The following ATF7IP2 variants were observed in gnomAD, a reference collection of about 807,000 sequenced individuals.
The protein encoded by ATF7IP2 is activating transcription factor 7 interacting protein 2.
In ATF7IP2, 42 loss-of-function variants were observed where a neutral mutation model predicts 64.2. The ratio of observed to expected loss-of-function variants is 0.65; its 90% confidence interval spans 0.51 to 0.85. The LOEUF is 0.85. ATF7IP2 is among the 40% of genes least tolerant of loss of function. The probability of loss-of-function intolerance (pLI) is 0.00; values close to 1 mark genes in which losing one functional copy is unlikely to be tolerated. For missense variants in ATF7IP2, 933 were observed against 784.2 expected (o/e 1.19, Z -2.27); for synonymous variants, 308 against 272.8 (o/e 1.13, Z -1.27).
At chr16:10,445,327 G>C (rs2048764293) in intron 8 of ATF7IP2, 1 of 152,082 alleles carries the variant, frequency 6.6e-6, no homozygotes, top group African/African-American at 2.4e-5. Flanking sequence ...GAGAAAATGG[G>C]GACTGTGGTA....
At chr16:10,439,491 C>T (rs1352380501) in intron 7 of ATF7IP2, among the ~76,000 whole-genome samples, 2 of 150,618 alleles carry the variant, frequency 1.3e-5, no homozygotes, top group African/African-American at 4.9e-5. Context: ...GCCTCGGCTT[C>T]CCAAAGTGCT....
At chr16:10,421,445 G>A (rs556506183) in intron 3 of ATF7IP2, among the ~76,000 whole-genome samples, 1 of 152,262 alleles carries the variant, frequency 6.6e-6, no homozygotes, top group African/African-American at 2.4e-5. Context: ...TAGATCACTC[G>A]TGGCATAGGT....
At chr16:10,401,386 T>G (rs761604640) in intron 1 of ATF7IP2, among the ~76,000 whole-genome samples, 4 of 152,128 alleles carry the variant, frequency 2.6e-5, no homozygotes, top group Non-Finnish European at 2.9e-5. Context: ...GCCAGGCTGG[T>G]CTCGAACTCC....
At chr16:10,411,905 G>GTT (rs992175796) in intron 1 of ATF7IP2, among the ~76,000 whole-genome samples, 1,108 of 82,886 alleles carry the variant, frequency 0.013, 20 homozygotes, top group African/African-American at 0.042. Flanking sequence ...GAGCTTATTT[G>GTT]TTTTTTTTTT....
rs1300471345 is a variant in ATF7IP2, at chr16:10,440,476, C to T, written c.1194+14C>T. 7.4e-7 allele frequency: 1 copy of T among 1,345,000 alleles called. No homozygotes were observed. The highest frequency in any genetic ancestry group is 1.0e-6 in the Non-Finnish European group (1 of 975,326). The allele number at this position is 1,345,000 out of a possible 1,614,324, so 83.3% of individuals were successfully genotyped here. On this transcript the variant is annotated intron_variant, in intron 8 of 13. Transcript: ENST00000562102. ...GGAGCCTCTAAGGTTTGTATAAACA[C>T]ACAGGAATTGTAATCATCTATTTGA...
At chr16:10,479,392 A>G (rs1047715569) in intron 12 of ATF7IP2, among the ~76,000 whole-genome samples, 3 of 152,154 alleles carry the variant, frequency 2.0e-5, no homozygotes, top group Admixed American at 6.5e-5. Context: ...TCAGTAAACT[A>G]TCGCAAGAAC....
chr16:10,389,828 TATGAACCACA>T (rs2047286612), intron 1 of ATF7IP2, among the ~76,000 whole-genome samples: 1 of 152,248 alleles, frequency 6.6e-6, no homozygotes, highest in Non-Finnish European at 1.5e-5. Flanking sequence ...GCTGCTGGTC[TATGAACCACA>T]CTTGGCATTA....
chr16:10,405,099 A>G (rs970359800), intron 1 of ATF7IP2, among the ~76,000 whole-genome samples: 2 of 152,102 alleles, frequency 1.3e-5, no homozygotes, highest in Non-Finnish European at 1.5e-5. Context: ...GCCGTGGCTC[A>G]TGCCTGTAAT....
chr16:10,479,958 CTTTTTTTTTTTTTTTTTTTTTTTTTTT>C (rs201158427), intron 12 of ATF7IP2, among the ~76,000 whole-genome samples: 13 of 80,568 alleles, frequency 1.6e-4, no homozygotes, highest in African/African-American at 2.7e-4. Flanking sequence ...ACTGGAAATA[CTTTTTTTTTTTTTTTTTTTTTTTTTTT>C]TTTTTTTTTT....
chr16:10,482,288 T>C lies in ATF7IP2; in HGVS notation c.*39T>C. 1 of 1,429,984 alleles carries C rather than the reference T, an allele frequency of 7.0e-7. No homozygotes were observed. The highest frequency in any genetic ancestry group is 9.5e-7 in the Non-Finnish European group (1 of 1,052,936). 88.6% of individuals were successfully genotyped at this position (1,429,984 alleles called of 1,614,324 possible). A position where few individuals can be genotyped will look rare whatever the true frequency, so the allele number is the denominator to read the frequency against. On this transcript the variant is annotated 3_prime_UTR_variant, in exon 14 of 14. Coordinates refer to ENST00000562102, the MANE Select transcript of ATF7IP2 (RefSeq NM_001393719.1). Reference sequence around the variant, plus strand: ...ATGATATACTACTTTTTTTTTCATATTTGTTTGTTTGCAATGTTACTGTAA... The same window carrying C: ...ATGATATACTACTTTTTTTTTCATACTTGTTTGTTTGCAATGTTACTGTAA...
chr16:10,409,524 A>G (rs1489814256), intron 1 of ATF7IP2, among the ~76,000 whole-genome samples: 2 of 151,168 alleles, frequency 1.3e-5, no homozygotes, highest in Non-Finnish European at 2.9e-5. Context: ...TTTTTTTTTA[A>G]TGAGCCATTC....
chr16:10,438,605 A>G (rs1169386856), intron 7 of ATF7IP2, among the ~76,000 whole-genome samples: 9 of 152,132 alleles, frequency 5.9e-5, no homozygotes, highest in Non-Finnish European at 1.0e-4. Context: ...ATATTAGCAA[A>G]GGAAAACAAT....
At chr16:10,436,720 A>G (rs1293604095) in intron 6 of ATF7IP2, among the ~76,000 whole-genome samples, 1 of 152,186 alleles carries the variant, frequency 6.6e-6, no homozygotes, top group African/African-American at 2.4e-5. Flanking sequence ...AATACCTTAA[A>G]TGTATCATAA....
At chr16:10,417,169 AAG>A (rs2047895487) in intron 2 of ATF7IP2, among the ~76,000 whole-genome samples, 1 of 152,184 alleles carries the variant, frequency 6.6e-6, no homozygotes, top group Non-Finnish European at 1.5e-5. Context: ...AAAACAAGGA[AAG>A]AATTTATACA....
chr16:10,460,291 T>C (rs572843239), intron 9 of ATF7IP2, among the ~76,000 whole-genome samples: 4 of 152,256 alleles, frequency 2.6e-5, no homozygotes, highest in East Asian at 1.9e-4. Context: ...TAAAAAGATA[T>C]ATGGTGTGGA....
At chr16:10,411,962 TATTAACCTTTTCAAAGACCCAGC>T in intron 1 of ATF7IP2, among the ~76,000 whole-genome samples, 1 of 150,248 alleles carries the variant, frequency 6.7e-6, no homozygotes, top group African/African-American at 2.4e-5. Context: ...CTATTAATTT[TATTAACCTTTTCAAAGACCCAGC>T]TTTTTGTTTC....
At chr16:10,460,229 G>T (rs957116048) in intron 9 of ATF7IP2, among the ~76,000 whole-genome samples, 7 of 151,992 alleles carry the variant, frequency 4.6e-5, no homozygotes, top group South Asian at 2.1e-4. Context: ...TTTAATAAGA[G>T]AAACAATAGC....
rs2050253913 is a variant in ATF7IP2 at position 10,482,088 on chromosome 16, G to A, written c.1888G>A (p.Gly630Arg). The change falls in exon 14 of 14, where the codon GGA (glycine) becomes AGA (arginine). Residue 630 changes from glycine to arginine, a missense_variant. Gly to Arg is a moderately radical substitution (Grantham distance 125, BLOSUM62 -2). Coordinates refer to ENST00000562102, the MANE Select transcript of ATF7IP2 (RefSeq NM_001393719.1). ...TAATAAGTTGATTTGGAAGAAGATT[G>A]GAGAAATTAAAGCTTTACCACTCCC... ...SNNKLIWKKI[G>R]EIKALPLPMA... is the part of the protein sequence containing the mutation. The A allele has an allele frequency of 1.2e-6, 2 of 1,614,048 alleles. No homozygotes were observed. The highest frequency in any genetic ancestry group is 1.1e-5 in the South Asian group (1 of 91,072).
intron 1 of ATF7IP2, among the ~76,000 whole-genome samples, chr16:10,406,232 G>C (rs377238156): frequency 2.2e-3 from 337 of 152,134 alleles, no homozygotes; most frequent in African/African-American, 7.2e-3. Flanking sequence ...TCAGCCTCTC[G>C]AGTAGCTGGG....
Sources: allele counts gnomAD v4.1 joint callset (sites outside exome capture counted in the v4.1 genomes callset), GRCh38; gene constraint gnomAD v4.1.1; transcripts MANE v1.5; gene names NCBI Gene and HGNC (gene_info 2026-07-23, HGNC 2026-07-21).